The following GRM7 variants were observed in gnomAD, a reference collection of about 807,000 sequenced individuals.
GRM7 encodes the protein metabotropic glutamate receptor 7.
A neutral mutation model predicts 84.5 loss-of-function variants in GRM7; 35 were observed. That is an observed-to-expected ratio of 0.41 (90% CI 0.32 to 0.55). GRM7 has a LOEUF of 0.55. GRM7 is among the 20% of genes least tolerant of loss of function. The pLI, the probability that GRM7 is intolerant of heterozygous loss-of-function variation, is 0.19. For missense variants in GRM7, 1,003 were observed against 1,194.6 expected, an observed-to-expected ratio of 0.84 and a Z score of 2.36; for synonymous variants, 487 against 455.1, an observed-to-expected ratio of 1.07 and a Z score of -0.89.
At position 7,718,437 on chromosome 3, in the gene GRM7, T is replaced by A. The variant is rs116780266; in HGVS notation, c.2699-21920T>A. On this transcript the variant is annotated intron_variant, in intron 9 of 9. Transcript: ENST00000357716. ...TTAGGTATAACAAAAGAGAAGGCCTTGAACCCAGGCAACACTAAAAAGACT... is the reference window on the plus strand; with the variant it reads ...TTAGGTATAACAAAAGAGAAGGCCTAGAACCCAGGCAACACTAAAAAGACT... Among the ~76,000 whole-genome samples, 450 of 152,290 alleles carry A rather than the reference T, an allele frequency of 3.0e-3. 4 individuals are homozygous for A. The highest frequency in any genetic ancestry group is 0.01 in the African/African-American group (430 of 41,568).
chr3:6,863,879 A>C lies in GRM7; in HGVS notation c.519+1972A>C, dbSNP rs988567703. Among the ~76,000 whole-genome samples, 12 of 152,148 alleles carry C rather than the reference A, an allele frequency of 7.9e-5. No individual in the cohort carries two copies. Among genetic ancestry groups the C allele is most frequent in the Non-Finnish European group, 1.8e-4 (12 of 68,026 alleles). On this transcript the variant is annotated intron_variant, in intron 1 of 9. Transcript: ENST00000357716. This position sits in a 1 kb window ranked among gnomAD's most constrained non-coding sequence, Gnocchi z 4.8. ...GGATCAGCCTGTCTCTGTCTGAAAA[A>C]AGAGTGAAATGTTAAAGTCAAGAAA...
chr3:7,206,213 T>C (rs1696234274), intron 2 of GRM7, among the ~76,000 whole-genome samples: 1 of 152,176 alleles, frequency 6.6e-6, no homozygotes, highest in African/African-American at 2.4e-5. Context: ...AGAAGGCAGA[T>C]AGGGAAATCA....
intron 1 of GRM7, among the ~76,000 whole-genome samples, chr3:6,956,907 T>C (rs780760340): frequency 1.6e-4 from 25 of 152,204 alleles, no homozygotes; most frequent in Non-Finnish European, 2.9e-4. Context: ...TAAACAAATA[T>C]AAACTCAATT....
intron 1 of GRM7, among the ~76,000 whole-genome samples, chr3:6,883,283 T>C (rs962715151): frequency 6.6e-6 from 1 of 152,074 alleles, no homozygotes; most frequent in African/African-American, 2.4e-5. Context: ...ATAATGTTTA[T>C]TATTTTGTTA....
intron 7 of GRM7, among the ~76,000 whole-genome samples, chr3:7,500,369 A>T (rs1308864208): frequency 6.6e-6 from 1 of 152,190 alleles, no homozygotes; most frequent in Non-Finnish European, 1.5e-5. Context: ...AAGAATTCAG[A>T]GTCGGTGTTT....
At chr3:7,212,496 A>G (rs1696464282) in intron 2 of GRM7, among the ~76,000 whole-genome samples, 1 of 152,194 alleles carries the variant, frequency 6.6e-6, no homozygotes, top group East Asian at 1.9e-4. Flanking sequence ...ATAATCACAA[A>G]AAATATATAG....
chr3:6,882,109 G>T (rs1427940960), intron 1 of GRM7, among the ~76,000 whole-genome samples: 2 of 152,018 alleles, frequency 1.3e-5, no homozygotes. Flanking sequence ...AAAACTGAAA[G>T]AAATTATTCC....
intron 4 of GRM7, among the ~76,000 whole-genome samples, chr3:7,376,349 T>C (rs1275428929): frequency 1.3e-5 from 2 of 152,212 alleles, no homozygotes; most frequent in African/African-American, 4.8e-5. Flanking sequence ...GCTATAATCC[T>C]CACACCGAGC....
chr3:6,949,836 C>T (rs916290077), intron 1 of GRM7, among the ~76,000 whole-genome samples: 1 of 152,152 alleles, frequency 6.6e-6, no homozygotes, highest in Non-Finnish European at 1.5e-5. Context: ...CCTTTCTTCC[C>T]GTTGATCACA....
At chr3:7,500,037 G>A (rs756226482) in intron 7 of GRM7, among the ~76,000 whole-genome samples, 1 of 152,166 alleles carries the variant, frequency 6.6e-6, no homozygotes, top group South Asian at 2.1e-4. Context: ...GCCTCCCAAA[G>A]TGCTGGGATT....
At chr3:6,979,982 G>C (rs906566617) in intron 1 of GRM7, among the ~76,000 whole-genome samples, 1 of 151,950 alleles carries the variant, frequency 6.6e-6, no homozygotes, top group African/African-American at 2.4e-5. Flanking sequence ...ACATATAATT[G>C]CTAATTCTTG....
chr3:7,444,081 C>A lies in GRM7; in HGVS notation c.1175-8526C>A, dbSNP rs142406616. Among the ~76,000 whole-genome samples, 96 of 152,226 alleles carry A rather than the reference C, an allele frequency of 6.3e-4. 1 individual carries two copies. Among genetic ancestry groups the A allele is most frequent in the African/African-American group, 2.1e-3 (89 of 41,554 alleles). ...TCCTTTTATCTCATGCTTTTAGCAACGATTGATGGTAATTGCACAGATTCG... is the reference window on the plus strand; with the variant it reads ...TCCTTTTATCTCATGCTTTTAGCAAAGATTGATGGTAATTGCACAGATTCG... On this transcript the variant is annotated intron_variant, in intron 5 of 9. Transcript: ENST00000357716.
chr3:7,389,371 G>A (rs1575262185), intron 4 of GRM7, among the ~76,000 whole-genome samples: 1 of 152,034 alleles, frequency 6.6e-6, no homozygotes, highest in African/African-American at 2.4e-5. Context: ...ATATTCTGTA[G>A]GTATTTATTA....
intron 1 of GRM7, among the ~76,000 whole-genome samples, chr3:7,143,177 T>C (rs972739806): frequency 2.6e-5 from 4 of 152,166 alleles, no homozygotes; most frequent in African/African-American, 9.6e-5. Flanking sequence ...GATGCCTAAT[T>C]ATCATTTGAT....
At chr3:7,198,368 C>T (rs1325436908) in intron 2 of GRM7, among the ~76,000 whole-genome samples, 2 of 151,996 alleles carry the variant, frequency 1.3e-5, no homozygotes, top group African/African-American at 2.4e-5. Context: ...AGTGTGATTA[C>T]TTTTGGAGAG....
At chr3:6,934,098 A>C (rs996183410) in intron 1 of GRM7, among the ~76,000 whole-genome samples, 1 of 152,164 alleles carries the variant, frequency 6.6e-6, no homozygotes, top group African/African-American at 2.4e-5. Flanking sequence ...AGTATACACC[A>C]TGGTCCATTC....
At chr3:7,283,064 A>G (rs1344266267) in intron 2 of GRM7, among the ~76,000 whole-genome samples, 1 of 152,110 alleles carries the variant, frequency 6.6e-6, no homozygotes, top group Non-Finnish European at 1.5e-5. Context: ...CTATTTTCAC[A>G]TCTTGAGTCT....
intron 2 of GRM7, among the ~76,000 whole-genome samples, chr3:7,254,579 T>C (rs1266524224): frequency 6.6e-6 from 1 of 152,180 alleles, no homozygotes; most frequent in African/African-American, 2.4e-5. Flanking sequence ...CAGCAATAAC[T>C]GTAGAGAAAG....
At chr3:7,644,081 C>T (rs1698492634) in intron 8 of GRM7, among the ~76,000 whole-genome samples, 1 of 129,778 alleles carries the variant, frequency 7.7e-6, no homozygotes, top group South Asian at 2.6e-4. Context: ...TATATATTTA[C>T]CTTGTCATTT....
Sources: allele counts gnomAD v4.1 joint callset (sites outside exome capture counted in the v4.1 genomes callset), GRCh38; gene constraint gnomAD v4.1.1; non-coding constraint Gnocchi (gnomAD v3.1); transcripts MANE v1.5; gene names NCBI Gene and HGNC (gene_info 2026-07-23, HGNC 2026-07-21).